Variants in UBR3 observed in about 807,000 individuals in gnomAD.
UBR3 encodes ubiquitin protein ligase E3 component n-recognin 3, also known as E3 ubiquitin-protein ligase UBR3.
A neutral mutation model predicts 243.2 loss-of-function variants in UBR3; 85 were observed. The observed-to-expected ratio is 0.35, with a 90% confidence interval of 0.29 to 0.42. UBR3 has a LOEUF of 0.42. Among genes scored for constraint, UBR3 ranks in the 10% least tolerant of loss-of-function variants. The pLI, the probability that UBR3 is intolerant of heterozygous loss-of-function variation, is 1.00. For synonymous variants in UBR3, 748 were observed against 799.8 expected (o/e 0.94, Z 1.09); for missense variants, 1,686 against 2,300.8 (o/e 0.73, Z 5.47).
chr2:169,857,499 A>C (rs10169637), intron 1 of UBR3, among the ~76,000 whole-genome samples: 117,121 of 151,668 alleles, frequency 0.77, 46,301 homozygotes, highest in East Asian at 0.89. Flanking sequence ...TCACTGCAAC[A>C]TCCGCCTCCC....
At chr2:169,950,102 G>A in intron 23 of UBR3, 37 bp downstream of exon 23, 1 of 1,500,096 alleles carries the variant, frequency 6.7e-7, no homozygotes. Flanking sequence ...CGTGTGTATA[G>A]TTGAAAATTT....
At position 170,006,981 on chromosome 2, in the gene UBR3, G is replaced by T; in HGVS notation, c.4030-9G>T. 1 of 1,610,426 alleles carries T rather than the reference G, an allele frequency of 6.2e-7. No individual in the cohort carries two copies. The highest frequency in any genetic ancestry group is 8.5e-7 in the Non-Finnish European group (1 of 1,179,018). On this transcript the variant is annotated splice_polypyrimidine_tract_variant and intron_variant, in intron 27 of 38. Transcript: ENST00000272793. ...TATCACGCATCTGTATGTTTATTTC[G>T]TCTTTTAGAATGACCAGGTTCTTCA...
chr2:169,891,345 G>A, intron 6 of UBR3, 114 bp downstream of exon 6: 1 of 675,588 alleles, frequency 1.5e-6, no homozygotes, highest in South Asian at 2.2e-5. Context: ...TTTGAAGGGA[G>A]GCTTATGTTA....
chr2:169,999,992 G>A (rs1171384181), intron 26 of UBR3, among the ~76,000 whole-genome samples: 1 of 152,032 alleles, frequency 6.6e-6, no homozygotes, highest in African/African-American at 2.4e-5. Context: ...TGGATGTGGT[G>A]GCACATGCCT....
intron 18 of UBR3, among the ~76,000 whole-genome samples, chr2:169,930,364 G>C (rs897183690): frequency 1.3e-5 from 2 of 151,946 alleles, no homozygotes; most frequent in Non-Finnish European, 2.9e-5. Flanking sequence ...CTAGTTGTGT[G>C]GTTTAGGAAA....
At chr2:169,937,074 C>G (rs1233726755) in intron 19 of UBR3, among the ~76,000 whole-genome samples, 1 of 152,186 alleles carries the variant, frequency 6.6e-6, no homozygotes, top group Non-Finnish European at 1.5e-5. Flanking sequence ...ATTTCTAGTT[C>G]TAGATCCTTG....
chr2:169,888,701 A>G (rs2084209265), intron 5 of UBR3, among the ~76,000 whole-genome samples: 1 of 152,216 alleles, frequency 6.6e-6, no homozygotes, highest in Non-Finnish European at 1.5e-5. Context: ...ATATGAATCA[A>G]CAACTTCCAC....
chr2:169,948,157 T>A (rs1219966763), intron 22 of UBR3, among the ~76,000 whole-genome samples: 1 of 151,748 alleles, frequency 6.6e-6, no homozygotes, highest in Non-Finnish European at 1.5e-5. Context: ...TAATACTGAG[T>A]ATAATAGTGT....
intron 30 of UBR3, among the ~76,000 whole-genome samples, chr2:170,017,690 A>G (rs187907587): frequency 2.0e-5 from 3 of 152,270 alleles, no homozygotes; most frequent in Non-Finnish European, 4.4e-5. Context: ...CCATTCAACT[A>G]CATCTTCAAA....
At position 169,994,981 on chromosome 2, in the gene UBR3, C is replaced by T. The variant is rs529509538; in HGVS notation, c.3918+525C>T. ...CATGGGATGGGGTCCTGCCCAGGGTCGATCCCTACCTTGTGCTCTGAGCTG... is the reference window on the plus strand; with the variant it reads ...CATGGGATGGGGTCCTGCCCAGGGTTGATCCCTACCTTGTGCTCTGAGCTG... On this transcript the variant is annotated intron_variant, in intron 26 of 38. Transcript: ENST00000272793. Among the ~76,000 whole-genome samples the T allele has an allele frequency of 1.1e-4, 16 of 152,226 alleles. No homozygotes were observed. The South Asian group carries it at 1.7e-3, about 16-fold the overall frequency.
At chr2:169,961,280 C>G (rs560725415) in intron 24 of UBR3, among the ~76,000 whole-genome samples, 39 of 151,596 alleles carry the variant, frequency 2.6e-4, no homozygotes, top group Non-Finnish European at 4.9e-4. Flanking sequence ...AATAGAGATT[C>G]TTACATATTA....
chr2:169,927,468 T>TA, intron 17 of UBR3, 63 bp downstream of exon 17: 1 of 1,208,672 alleles, frequency 8.3e-7, no homozygotes. Context: ...TTTTTATGAT[T>TA]AATAGTTTAT....
chr2:170,040,213 G>A (rs560916727), intron 31 of UBR3, among the ~76,000 whole-genome samples: 9 of 152,108 alleles, frequency 5.9e-5, no homozygotes, highest in East Asian at 5.8e-4. Flanking sequence ...ATCACAGCCC[G>A]CTGCAGCCTT....
At position 169,994,332 on chromosome 2, in the gene UBR3, A is replaced by C; in HGVS notation, c.3794A>C (p.Gln1265Pro). The change falls in exon 26 of 39, where the codon CAG becomes CCG. Residue 1265 changes from glutamine to proline, a missense_variant. By Grantham distance (76) the Gln-to-Pro change is moderately conservative. Around this residue, in one of 8 missense-constraint regions of UBR3, gnomAD observed 156 missense variants for 246.3 expected, o/e 0.63. Coordinates refer to ENST00000272793, the MANE Select transcript of UBR3 (RefSeq NM_172070.4). ...TTATCTGTTAATGTAGTTTTGGGGCAGTGCCGTGACAATGTTGAGCCAAAA... is the reference window on the plus strand; with the variant it reads ...TTATCTGTTAATGTAGTTTTGGGGCCGTGCCGTGACAATGTTGAGCCAAAA... ...VLLQASSVLG[Q>P]CRDNVEPKKL... The C allele has an allele frequency of 6.2e-7, 1 of 1,614,124 alleles. No homozygotes were observed. Among genetic ancestry groups the C allele is most frequent in the Non-Finnish European group, 8.5e-7 (1 of 1,180,008 alleles).
chr2:170,055,802 G>T (rs1423916084), intron 33 of UBR3, among the ~76,000 whole-genome samples: 1 of 151,816 alleles, frequency 6.6e-6, no homozygotes, highest in Non-Finnish European at 1.5e-5. Context: ...TTATATTTGA[G>T]CAGTTTTGTT....
At chr2:169,877,423 A>G (rs945168354) in intron 3 of UBR3, 71 bp from the exon 4 acceptor site, 18 of 1,315,916 alleles carry the variant, frequency 1.4e-5, no homozygotes, top group Non-Finnish European at 1.3e-5. Flanking sequence ...TATAGATACT[A>G]GTTAATGAAA....
Position 170,027,662 on chromosome 2 carries a change from C to T in UBR3, c.4454-1684C>T, listed in dbSNP as rs571005174. Among the ~76,000 whole-genome samples the T allele has an allele frequency of 2.0e-4, 30 of 151,792 alleles. No homozygotes were observed. The South Asian group carries it at 5.4e-3, about 27-fold the overall frequency. ...ATAAAAAGAATGCAGAACTCCTCAC[C>T]GTGCAGCTTGAGATAATCTTAGTAT... On this transcript the variant is annotated intron_variant, in intron 30 of 38. Transcript: ENST00000272793.
intron 32 of UBR3, among the ~76,000 whole-genome samples, chr2:170,052,766 A>G (rs932526199): frequency 1.3e-5 from 2 of 152,194 alleles, no homozygotes; most frequent in African/African-American, 4.8e-5. Flanking sequence ...TCTAATATAC[A>G]ACATGATGAC....
At chr2:169,863,018 T>C (rs2083142491) in intron 1 of UBR3, among the ~76,000 whole-genome samples, 1 of 152,222 alleles carries the variant, frequency 6.6e-6, no homozygotes, top group Non-Finnish European at 1.5e-5. Flanking sequence ...GCCAAAGGCT[T>C]ACTTGTAGGG....
Sources: gnomAD v4.1 joint callset for allele counts (sites outside exome capture counted in the v4.1 genomes callset) on GRCh38, gnomAD v4.1.1 for gene constraint, gnomAD v4.1.1 regional missense constraint, MANE v1.5 for transcripts, NCBI Gene and HGNC (gene_info 2026-07-23, HGNC 2026-07-21) for gene names.